The following TLE2 variants were observed in gnomAD, a reference collection of about 807,000 sequenced individuals.
TLE2 encodes TLE family member 2, transcriptional corepressor.
Under a neutral mutation model 97.2 loss-of-function variants are expected in TLE2, and 74 were observed. That is an observed-to-expected ratio of 0.76 (90% CI 0.63 to 0.92). The LOEUF (loss-of-function observed/expected upper bound fraction) is 0.92, where lower values mean the gene tolerates loss of function less well. Among genes scored for constraint, TLE2 ranks in the 40% least tolerant of loss-of-function variants. TLE2 has a pLI of 0.00. For missense variants in TLE2, 1,038 were observed against 1,008.7 expected (o/e 1.03, Z -0.39); for synonymous variants, 499 against 432.1 (o/e 1.15, Z -1.92).
At chr19:3,004,778 G>A (rs888094181) in intron 17 of TLE2, among the ~76,000 whole-genome samples, 2 of 152,026 alleles carry the variant, frequency 1.3e-5, no homozygotes, top group East Asian at 1.9e-4. Context: ...ATGTGCAGAG[G>A]CCTCAGAGCT....
chr19:3,028,329 T>C lies in TLE2; in HGVS notation c.176A>G (p.His59Arg), dbSNP rs1453600044. Residue 59 changes from histidine (H) to arginine (R), a missense_variant, in exon 3 of 20, where the codon CAT (histidine) becomes CGT (arginine). By Grantham distance (29) the His-to-Arg change is conservative (BLOSUM62 0). Coordinates refer to ENST00000262953, the MANE Select transcript of TLE2 (RefSeq NM_003260.5). ...LASEKTEMQR[H>R]YVMYYEMSYG... ...CATAAGTGCCCTCACCATGACATAATGTCGCTGCATTTCCGTCTTCTCGCT... is the reference window on the plus strand; with the variant it reads ...CATAAGTGCCCTCACCATGACATAACGTCGCTGCATTTCCGTCTTCTCGCT... 1 of 1,609,444 alleles carries C rather than the reference T, an allele frequency of 6.2e-7. No homozygotes were observed. The highest frequency in any genetic ancestry group is 1.7e-5 in the Admixed American group (1 of 59,412).
intron 11 of TLE2, among the ~76,000 whole-genome samples, chr19:3,012,693 G>A (rs1364107172): frequency 6.6e-6 from 1 of 152,172 alleles, no homozygotes; most frequent in Non-Finnish European, 1.5e-5. Flanking sequence ...CCCAAGGAGA[G>A]CTCTGAGGAA....
chr19:3,008,478 TCTCG>T (rs1312284841), intron 14 of TLE2, among the ~76,000 whole-genome samples: 1 of 148,030 alleles, frequency 6.8e-6, no homozygotes, highest in Non-Finnish European at 1.5e-5. Flanking sequence ...TGAGACTGAG[TCTCG>T]CTCTATTGCC....
chr19:3,040,379 C>G (rs10401433), intron 1 of TLE2, among the ~76,000 whole-genome samples: 1 of 151,854 alleles, frequency 6.6e-6, no homozygotes, highest in South Asian at 2.1e-4. Flanking sequence ...CTCGCTCTGT[C>G]GACCAGGCTG....
At chr19:3,030,950 CAAA>C (rs60265159), upstream of TLE2, among the ~76,000 whole-genome samples, 7 of 112,902 alleles carry the variant, frequency 6.2e-5, no homozygotes, top group Non-Finnish European at 8.9e-5. Context: ...GACCTTGTCT[CAAA>C]AAAAAAAAAA....
chr19:3,005,948 AC>A lies in TLE2; in HGVS notation c.1520del (p.Arg507LeufsTer12). The A allele has an allele frequency of 6.2e-7, 1 of 1,610,404 alleles. No homozygotes were observed. The highest frequency in any genetic ancestry group is 8.5e-7 in the Non-Finnish European group (1 of 1,177,110). On this transcript the variant is annotated frameshift_variant, in exon 16 of 20. Transcript: ENST00000262953. LOFTEE classifies it high-confidence loss of function. ...LDCLNRDNYI[R>X]SCKLLPDGRS... is the part of the protein sequence containing the mutation. ...GGCCATCCGGCAGCAACTTGCAGGA[AC>A]GAATGTAGTTGTCTCGGTTCTGGGG...
chr19:3,018,943 T>C (rs1038774402), intron 7 of TLE2, among the ~76,000 whole-genome samples: 4 of 152,002 alleles, frequency 2.6e-5, no homozygotes, highest in Non-Finnish European at 5.9e-5. Flanking sequence ...TTTAAATTTT[T>C]CATAGAGATG....
intron 17 of TLE2, among the ~76,000 whole-genome samples, chr19:3,004,032 G>C (rs527608940): frequency 6.6e-6 from 1 of 151,984 alleles, no homozygotes; most frequent in East Asian, 1.9e-4. Flanking sequence ...AAAGATTCAG[G>C]GTCCTCCACC....
Position 3,019,801 on chromosome 19 carries a change from G to C in TLE2, c.295-28C>G. On this transcript the variant is annotated intron_variant, in intron 5 of 19. Transcript: ENST00000262953. The surrounding 1 kb of genome is among the most constrained non-coding windows in gnomAD (Gnocchi z 5.1). ...GGCGGGTGGAAGGGATCAGGTAGAG[G>C]GTACATTGAGCCCCTGCTCATGCTA... is the stretch of plus-strand genomic sequence containing the variant. 1 of 1,602,866 alleles carries C rather than the reference G, an allele frequency of 6.2e-7. No individual in the cohort carries two copies. Among genetic ancestry groups the C allele is most frequent in the Non-Finnish European group, 8.5e-7 (1 of 1,175,558 alleles).
In TLE2 at chr19:3,002,390, G is replaced by A. The variant is rs200084747; in HGVS notation, c.2010C>T (p.His670=). 617 of 1,613,750 alleles carry A rather than the reference G, an allele frequency of 3.8e-4. 3 individuals carry two copies. The African/African-American group carries it at 5.2e-3, about 14-fold the overall frequency. Residue 670 remains histidine (H), a synonymous_variant, in exon 18 of 20, where the codon CAC becomes CAT. Transcript: ENST00000262953. ...ACTTCAGGGACAGCACGCAGCTCTC[G>A]TGGAGGTGCAGCTGGTATTTCTCCG... is the stretch of plus-strand genomic sequence containing the variant. ...RKPEKYQLHL[H]ESCVLSLKFA...
intron 1 of TLE2, among the ~76,000 whole-genome samples, chr19:3,036,834 G>A (rs1414809542): frequency 6.6e-6 from 1 of 152,316 alleles, no homozygotes. Flanking sequence ...AGTTTGGGAG[G>A]AGGGGGAGAC....
In TLE2 at chr19:3,002,510, G is replaced by T; in HGVS notation, c.1897-7C>A. On this transcript the variant is annotated splice_polypyrimidine_tract_variant and splice_region_variant and intron_variant, in intron 17 of 19. Coordinates refer to ENST00000262953, the MANE Select transcript of TLE2 (RefSeq NM_003260.5). ...AGTGGCCCAGGGAGAAAATCTGGGG[G>T]TAAAGAGGGAAGAGATGGGGTCACG... is the stretch of plus-strand genomic sequence containing the variant. 1.9e-6 allele frequency: 3 copies of T among 1,558,320 alleles called. No homozygotes were observed. Among genetic ancestry groups the T allele is most frequent in the Non-Finnish European group, 2.6e-6 (3 of 1,152,320 alleles).
At chr19:3,006,751 G>C (rs901609387) in intron 14 of TLE2, 82 bp from the exon 15 acceptor site, 20 of 1,495,868 alleles carry the variant, frequency 1.3e-5, no homozygotes, top group Middle Eastern at 1.9e-4. Context: ...AGACGCCTTT[G>C]TCCTGCCTGG....
At chr19:3,002,282 T>A in intron 18 of TLE2, 71 bp downstream of exon 18, 1 of 1,518,600 alleles carries the variant, frequency 6.6e-7, no homozygotes. Context: ...TTATCTAAGA[T>A]TCAGATTGAA....
In TLE2 at chr19:2,997,969, GGAGA is replaced by G; in HGVS notation, c.2125-18_2125-15del. On this transcript the variant is annotated splice_polypyrimidine_tract_variant and intron_variant, in intron 19 of 19. Coordinates refer to ENST00000262953, the MANE Select transcript of TLE2 (RefSeq NM_003260.5). ...CGACTCCTTGGACTGCCAAGGGAAG[GGAGA>G]GAGAAAAGGGCACAGTGAGGCATGG... The G allele has an allele frequency of 6.3e-7, 1 of 1,596,314 alleles. No homozygotes were observed. The highest frequency in any genetic ancestry group is 8.6e-7 in the Non-Finnish European group (1 of 1,167,636).
rs1003018068 is a variant in TLE2, at chr19:3,008,895, G to C, written c.1224C>G (p.Ser408=). Residue 408 remains serine, a synonymous_variant, in exon 14 of 20, where the codon TCC becomes TCG. Coordinates refer to ENST00000262953, the MANE Select transcript of TLE2 (RefSeq NM_003260.5). The part of the protein sequence containing the change: ...PHLRGSSVSS[S]LPSIPGGKPA... Reference sequence around the variant, plus strand: ...GCTTTCCCCCAGGGATGCTGGGTAGGGAGGAAGAGACGGATGACCCTCGGA... The same window carrying C: ...GCTTTCCCCCAGGGATGCTGGGTAGCGAGGAAGAGACGGATGACCCTCGGA... 1 of 1,594,190 alleles carries C rather than the reference G, an allele frequency of 6.3e-7. No individual in the cohort carries two copies. Among genetic ancestry groups the C allele is most frequent in the Non-Finnish European group, 8.5e-7 (1 of 1,170,608 alleles).
At chr19:3,029,556 A>T (rs1476810181), upstream of TLE2, 49 of 261,480 alleles carry the variant, frequency 1.9e-4, no homozygotes, top group Non-Finnish European at 2.0e-4. Context: ...CCACCGTGGG[A>T]GCGGGGGGGG....
Position 3,006,664 on chromosome 19 carries a change from T to G in TLE2, c.1256A>C (p.Tyr419Ser), listed in dbSNP as rs1407754447. 1.3e-6 allele frequency: 2 copies of G among 1,595,812 alleles called. No homozygotes were observed. The highest frequency in any genetic ancestry group is 1.7e-6 in the Non-Finnish European group (2 of 1,169,986). ...LPSIPGGKPAYSFHVSADGQM... is the reference protein window; with the variant it reads ...LPSIPGGKPASSFHVSADGQM... ...CCCGTCCGCAGACACGTGGAAGGAG[T>G]AGGCCCTGGAGAGAAAGCCGGGGCA... The change falls in exon 15 of 20, where the codon TAC becomes TCC. Residue 419 changes from tyrosine to serine, a missense_variant. Physicochemically the swap from Tyr to Ser is moderately radical, Grantham distance 144. Transcript: ENST00000262953.
At position 3,019,827 on chromosome 19, in the gene TLE2, G is replaced by C; in HGVS notation, c.295-54C>G. On this transcript the variant is annotated intron_variant, in intron 5 of 19. Transcript: ENST00000262953. This position sits in a 1 kb window ranked among gnomAD's most constrained non-coding sequence, Gnocchi z 5.1. Reference sequence around the variant, plus strand: ...GTACATTGAGCCCCTGCTCATGCTAGCGGTGCCCTTGGGGACCTGACCTCT... The same window carrying C: ...GTACATTGAGCCCCTGCTCATGCTACCGGTGCCCTTGGGGACCTGACCTCT... 1 of 1,574,900 alleles carries C rather than the reference G, an allele frequency of 6.3e-7. No homozygotes were observed. Among genetic ancestry groups the C allele is most frequent in the East Asian group, 2.3e-5 (1 of 42,912 alleles).
Sources: gnomAD v4.1 joint callset for allele counts (sites outside exome capture counted in the v4.1 genomes callset) on GRCh38, gnomAD v4.1.1 for gene constraint, Gnocchi (gnomAD v3.1) non-coding constraint, MANE v1.5 for transcripts, NCBI Gene and HGNC (gene_info 2026-07-23, HGNC 2026-07-21) for gene names.